Variants in SLC38A10 observed in about 807,000 individuals in gnomAD.
SLC38A10 encodes Sodium-coupled neutral amino acid transporter 10.
A neutral mutation model predicts 81.0 loss-of-function variants in SLC38A10; 53 were observed. The observed-to-expected ratio is 0.65, with a 90% confidence interval of 0.53 to 0.82. SLC38A10 has a LOEUF of 0.82. SLC38A10 is among the 40% of genes least tolerant of loss of function. The probability of loss-of-function intolerance (pLI) is 0.00; values close to 1 mark genes in which losing one functional copy is unlikely to be tolerated. For missense variants in SLC38A10, 1,471 were observed against 1,545.0 expected (o/e 0.95, Z 0.80); for synonymous variants, 665 against 655.3 (o/e 1.01, Z -0.23).
chr17:81,268,579 A>G (rs1598393356), intron 10 of SLC38A10, among the ~76,000 whole-genome samples: 1 of 151,778 alleles, frequency 6.6e-6, no homozygotes, highest in East Asian at 1.9e-4. Context: ...CTCAATAATT[A>G]CTATTTGAAA....
Position 81,253,617 on chromosome 17 carries a change from C to T in SLC38A10, c.1289-377G>A, listed in dbSNP as rs1466787511. Among the ~76,000 whole-genome samples the T allele has an allele frequency of 1.3e-5, 2 of 151,880 alleles. No individual in the cohort carries two copies. Among genetic ancestry groups the T allele is most frequent in the Admixed American group, 6.6e-5 (1 of 15,258 alleles). ...CCACCACCACCACCATCACCGCTAT[C>T]ATCACCATCATCTCCATCCCTACCA... is the stretch of plus-strand genomic sequence containing the variant. On this transcript the variant is annotated intron_variant, in intron 11 of 15. Transcript: ENST00000374759. This position sits in a 1 kb window ranked among gnomAD's most constrained non-coding sequence, Gnocchi z 4.1.
rs2063107284 is a variant in SLC38A10 at position 81,270,690 on chromosome 17, C to T, written c.1131+228G>A. ...TCAGCTAAGTCGGCTCTCAGGAAAA[C>T]CCGATGCACAGCTTGAGCAGCTTAG... On this transcript the variant is annotated intron_variant, in intron 10 of 15. Coordinates refer to ENST00000374759, the MANE Select transcript of SLC38A10 (RefSeq NM_001037984.3). This position sits in a 1 kb window ranked among gnomAD's most constrained non-coding sequence, Gnocchi z 4.0. 6.6e-6 allele frequency among the ~76,000 whole-genome samples: 1 copy of T among 152,190 alleles called. No individual in the cohort carries two copies. Among genetic ancestry groups the T allele is most frequent in the South Asian group, 2.1e-4 (1 of 4,826 alleles).
chr17:81,251,099 G>A lies in SLC38A10; in HGVS notation c.2065+394C>T, dbSNP rs368971915. The A allele has an allele frequency of 6.0e-6, 9 of 1,498,918 alleles. No individual in the cohort carries two copies. The African/African-American group carries it at 8.4e-5, about 14-fold the overall frequency. 92.9% of individuals were successfully genotyped at this position (1,498,918 alleles called of 1,614,324 possible). A position where few individuals can be genotyped will look rare whatever the true frequency, so the allele number is the denominator to read the frequency against. On this transcript the variant is annotated intron_variant, in intron 14 of 15. Coordinates refer to ENST00000374759, the MANE Select transcript of SLC38A10 (RefSeq NM_001037984.3). The stretch of plus-strand genomic sequence containing the variant: ...CCTTAAAATAAACCTCCACATCTGG[G>A]TGCAGGCACGCCCACACCTGGCTGG...
chr17:81,292,110 C>T (rs953453154), intron 1 of SLC38A10, among the ~76,000 whole-genome samples: 1 of 151,604 alleles, frequency 6.6e-6, no homozygotes, highest in Non-Finnish European at 1.5e-5. Context: ...CTATATCTAT[C>T]TAGATATAGA....
rs1057384076 is a variant in SLC38A10 at position 81,289,913 on chromosome 17, G to A, written c.100-105C>T. 11 of 880,278 alleles carry A rather than the reference G, an allele frequency of 1.2e-5. No individual in the cohort carries two copies. The highest frequency in any genetic ancestry group is 6.4e-5 in the Admixed American group (2 of 31,496). The allele number at this position is 880,278 out of a possible 1,614,324, so 54.5% of individuals were successfully genotyped here. On this transcript the variant is annotated intron_variant, in intron 1 of 15. Transcript: ENST00000374759. The surrounding 1 kb of genome is among the most constrained non-coding windows in gnomAD (Gnocchi z 5.9). ...AGGACCCTCTTCACCCCCAGGCCCC[G>A]CTCCATCCCAGTCTCCTGCCGAACG...
intron 8 of SLC38A10, among the ~76,000 whole-genome samples, chr17:81,275,623 A>T (rs201247882): frequency 3.4e-5 from 5 of 148,818 alleles, no homozygotes; most frequent in Admixed American, 6.7e-5. Context: ...TCCCAGCTAC[A>T]CGGGAGGCTG....
At chr17:81,259,728 A>G (rs1436303820) in intron 11 of SLC38A10, among the ~76,000 whole-genome samples, 2 of 152,080 alleles carry the variant, frequency 1.3e-5, no homozygotes, top group Non-Finnish European at 2.9e-5. Context: ...GGTCGAGGTT[A>G]CAGGGCGCCA....
chr17:81,246,547 C>T lies in SLC38A10; in HGVS notation c.2369G>A (p.Gly790Asp), dbSNP rs376308595. 28 of 1,516,170 alleles carry T rather than the reference C, an allele frequency of 1.8e-5. No homozygotes were observed. Among genetic ancestry groups the T allele is most frequent in the Non-Finnish European group, 2.3e-5 (26 of 1,133,962 alleles). 93.9% of individuals were successfully genotyped at this position (1,516,170 alleles called of 1,614,324 possible). A position where few individuals can be genotyped will look rare whatever the true frequency, so the allele number is the denominator to read the frequency against. ...AAGGTCCTGGGATGGAGCAGGGCGG[C>T]CCCCAGGAGCTCTGAGGACAGGGTC... ...PLDPVLRAPG[G>D]RPAPSQDLNQ... Residue 790 changes from glycine (G) to aspartate (D), a missense_variant, in exon 16 of 16, where the codon GGC becomes GAC. Gly to Asp is a moderately conservative substitution (Grantham distance 94). This residue lies in a region of SLC38A10 where 751 missense variants were observed against 717.4 expected (regional missense o/e 1.05). Coordinates refer to ENST00000374759, the MANE Select transcript of SLC38A10 (RefSeq NM_001037984.3).
intron 14 of SLC38A10, among the ~76,000 whole-genome samples, chr17:81,248,330 T>C (rs1440575141): frequency 6.6e-6 from 1 of 152,154 alleles, no homozygotes; most frequent in African/African-American, 2.4e-5. Context: ...TAACCACCGC[T>C]CCTGAACACC....
rs2063174186 is a variant in SLC38A10 at position 81,277,669 on chromosome 17, T to C, written c.627-536A>G. Among the ~76,000 whole-genome samples the C allele has an allele frequency of 6.6e-6, 1 of 152,298 alleles. No individual in the cohort carries two copies. The highest frequency in any genetic ancestry group is 2.1e-4 in the South Asian group (1 of 4,828). Reference sequence around the variant, plus strand: ...GAAAACTGGCTTCGGTCCCACAGCCTGGTGCCAGGAGTGTGGTGCTGCTAG... The same window carrying C: ...GAAAACTGGCTTCGGTCCCACAGCCCGGTGCCAGGAGTGTGGTGCTGCTAG... On this transcript the variant is annotated intron_variant, in intron 6 of 15. Transcript: ENST00000374759. The surrounding 1 kb of genome is among the most constrained non-coding windows in gnomAD (Gnocchi z 4.5).
chr17:81,274,230 CAGA>C (rs1341605681), intron 8 of SLC38A10, among the ~76,000 whole-genome samples: 2 of 152,228 alleles, frequency 1.3e-5, no homozygotes, highest in Non-Finnish European at 2.9e-5. Flanking sequence ...CTGAACTCCG[CAGA>C]AGAGAGGAGC....
chr17:81,246,684 A>G lies in SLC38A10; in HGVS notation c.2243-11T>C. 2.0e-6 allele frequency: 3 copies of G among 1,501,748 alleles called. No homozygotes were observed. Among genetic ancestry groups the G allele is most frequent in the Non-Finnish European group, 2.7e-6 (3 of 1,126,278 alleles). The allele number at this position is 1,501,748 out of a possible 1,614,324, so 93.0% of individuals were successfully genotyped here. ...CTTGATGCACCTCCACTGCAAATGA[A>G]GTCGGTCATCAATTTAGCCACAGCA... is the stretch of plus-strand genomic sequence containing the variant. On this transcript the variant is annotated splice_polypyrimidine_tract_variant and intron_variant, in intron 15 of 15. Transcript: ENST00000374759.
At chr17:81,257,830 C>T (rs1286659351) in intron 11 of SLC38A10, among the ~76,000 whole-genome samples, 4 of 152,222 alleles carry the variant, frequency 2.6e-5, no homozygotes, top group Non-Finnish European at 4.4e-5. Flanking sequence ...CGAGGGTGCC[C>T]GAGGGGTGCG....
chr17:81,282,383 C>G, intron 4 of SLC38A10, 51 bp from the exon 5 acceptor site: 1 of 1,561,748 alleles, frequency 6.4e-7, no homozygotes, highest in Non-Finnish European at 8.7e-7. Flanking sequence ...CTGCTCACCA[C>G]CGGGCTCTCT....
rs1437142583 is a variant in SLC38A10, at chr17:81,288,228, C to T, written c.217+1463G>A. Among the ~76,000 whole-genome samples the T allele has an allele frequency of 6.6e-6, 1 of 152,186 alleles. No individual in the cohort carries two copies. The highest frequency in any genetic ancestry group is 1.5e-5 in the Non-Finnish European group (1 of 68,030). ...GGGAGGCCAGGACCCACGTGTGGAC[C>T]GTGCAGGTGTTTTTATTTTGTTTGG... On this transcript the variant is annotated intron_variant, in intron 2 of 15. Coordinates refer to ENST00000374759, the MANE Select transcript of SLC38A10 (RefSeq NM_001037984.3). This position sits in a 1 kb window ranked among gnomAD's most constrained non-coding sequence, Gnocchi z 5.4.
rs377273514 is a variant in SLC38A10, at chr17:81,292,987, CAAAT to C, written c.99+1832_99+1835del. Among the ~76,000 whole-genome samples the C allele has an allele frequency of 7.1e-3, 1,085 of 151,916 alleles. 14 individuals carry two copies. Among genetic ancestry groups the C allele is most frequent in the African/African-American group, 0.025 (1,015 of 41,418 alleles). ...GGGGAAACCCTGTCTCTACTAAATA[CAAAT>C]AAATAAATAAATAAATAAATAAATT... On this transcript the variant is annotated intron_variant, in intron 1 of 15. Coordinates refer to ENST00000374759, the MANE Select transcript of SLC38A10 (RefSeq NM_001037984.3).
intron 1 of SLC38A10, among the ~76,000 whole-genome samples, chr17:81,293,461 T>C (rs1017071284): frequency 6.6e-6 from 1 of 151,676 alleles, no homozygotes; most frequent in African/African-American, 2.4e-5. Flanking sequence ...TGAAAATTCC[T>C]TGATCAAAAA....
chr17:81,281,233 T>C lies in SLC38A10; in HGVS notation c.502-500A>G. On this transcript the variant is annotated intron_variant, in intron 5 of 15. Coordinates refer to ENST00000374759, the MANE Select transcript of SLC38A10 (RefSeq NM_001037984.3). The surrounding 1 kb of genome is among the most constrained non-coding windows in gnomAD (Gnocchi z 5.3). The stretch of plus-strand genomic sequence containing the variant: ...GCTGAGGAGCACTGGAGACCCTGGC[T>C]TCAATGACCACCTGGCCTCGTCCTG... 6.6e-6 allele frequency among the ~76,000 whole-genome samples: 1 copy of C among 152,172 alleles called. No individual in the cohort carries two copies.
In SLC38A10 at chr17:81,280,655, C is replaced by T. The variant is rs755525430; in HGVS notation, c.580G>A (p.Val194Ile). The T allele has an allele frequency of 9.9e-6, 16 of 1,611,758 alleles. No individual in the cohort carries two copies. The highest frequency in any genetic ancestry group is 4.5e-5 in the East Asian group (2 of 44,882). Reference protein sequence around the residue: ...RRVSYVRWEGVFRCIPIFGMS... With the variant: ...RRVSYVRWEGIFRCIPIFGMS... Reference sequence around the variant, plus strand: ...CCGAAGATGGGGATGCAGCGGAAGACGCCCTCCCAGCGGACGTAGCTGACC... The same window carrying T: ...CCGAAGATGGGGATGCAGCGGAAGATGCCCTCCCAGCGGACGTAGCTGACC... Residue 194 changes from valine (V) to isoleucine (I), a missense_variant, in exon 6 of 16, where the codon GTC becomes ATC. By Grantham distance (29) the Val-to-Ile change is conservative. This residue lies in a region of SLC38A10 where 720 missense variants were observed against 827.7 expected (regional missense o/e 0.87). Transcript: ENST00000374759.
Sources: allele counts gnomAD v4.1 joint callset (sites outside exome capture counted in the v4.1 genomes callset), GRCh38; gene constraint gnomAD v4.1.1; regional missense constraint gnomAD v4.1.1; non-coding constraint Gnocchi (gnomAD v3.1); transcripts MANE v1.5; gene names NCBI Gene and HGNC (gene_info 2026-07-23, HGNC 2026-07-21).